SLC9A9: variants seen among roughly 807,000 people sequenced by gnomAD.
The protein encoded by SLC9A9 is sodium/hydrogen exchanger 9.
A neutral mutation model predicts 77.8 loss-of-function variants in SLC9A9; 62 were observed. The ratio of observed to expected loss-of-function variants is 0.80; its 90% CI spans 0.65 to 0.98. SLC9A9 has a LOEUF of 0.98. Among genes scored for constraint, SLC9A9 ranks in the 50% least tolerant of loss-of-function variants. The pLI is 0.00. For synonymous variants in SLC9A9, 320 were observed against 283.5 expected (o/e 1.13, Z -1.29); for missense variants, 775 against 774.9 (o/e 1.00, Z 0.00).
chr3:143,720,119 A>G, intron 4 of SLC9A9, among the ~76,000 whole-genome samples: 1 of 151,442 alleles, frequency 6.6e-6, no homozygotes, highest in South Asian at 2.1e-4. Flanking sequence ...CCACATATAT[A>G]ATATATATTA....
chr3:143,578,540 A>G, intron 7 of SLC9A9, 45 bp downstream of exon 7: 1 of 1,613,284 alleles, frequency 6.2e-7, no homozygotes, highest in Non-Finnish European at 8.5e-7. Context: ...ATGGATACTG[A>G]CTGTTCTTGA....
At chr3:143,336,258 G>A (rs2031919956) in intron 14 of SLC9A9, among the ~76,000 whole-genome samples, 1 of 152,110 alleles carries the variant, frequency 6.6e-6, no homozygotes, top group Admixed American at 6.5e-5. Flanking sequence ...ATGAGGACAT[G>A]GAGAAATTGG....
intron 5 of SLC9A9, among the ~76,000 whole-genome samples, chr3:143,682,591 T>A (rs1050681196): frequency 1.2e-4 from 19 of 152,244 alleles, no homozygotes; most frequent in African/African-American, 4.3e-4. Flanking sequence ...TGGCTTAAAA[T>A]AATGCAAATT....
chr3:143,734,254 G>C (rs957726298), intron 4 of SLC9A9, among the ~76,000 whole-genome samples: 5 of 151,858 alleles, frequency 3.3e-5, no homozygotes, highest in Non-Finnish European at 5.9e-5. Flanking sequence ...AACTAAGAAA[G>C]ATTTTTGGTT....
At chr3:143,366,073 A>G (rs908239337) in intron 13 of SLC9A9, among the ~76,000 whole-genome samples, 5 of 152,150 alleles carry the variant, frequency 3.3e-5, no homozygotes, top group Non-Finnish European at 7.4e-5. Flanking sequence ...GCAAATTCCC[A>G]ATTTTTGTTT....
At chr3:143,594,540 G>A (rs1466243879) in intron 6 of SLC9A9, among the ~76,000 whole-genome samples, 1 of 152,138 alleles carries the variant, frequency 6.6e-6, no homozygotes, top group East Asian at 1.9e-4. Context: ...TAGAATCCTG[G>A]TTGATCTGGT....
At chr3:143,543,603 C>T (rs1014395089) in intron 9 of SLC9A9, among the ~76,000 whole-genome samples, 1 of 152,028 alleles carries the variant, frequency 6.6e-6, no homozygotes, top group Admixed American at 6.5e-5. Context: ...CATGAGTGCC[C>T]AACGTTTATC....
chr3:143,719,938 G>A (rs1172290539), intron 4 of SLC9A9, among the ~76,000 whole-genome samples: 1 of 151,970 alleles, frequency 6.6e-6, no homozygotes, highest in Non-Finnish European at 1.5e-5. Context: ...CTGCTCCCAC[G>A]ATTGCTCCCA....
At chr3:143,413,567 T>C (rs1000474165) in intron 12 of SLC9A9, among the ~76,000 whole-genome samples, 1 of 152,106 alleles carries the variant, frequency 6.6e-6, no homozygotes, top group African/African-American at 2.4e-5. Context: ...ACCACAACTT[T>C]AAATAACTCT....
intron 5 of SLC9A9, among the ~76,000 whole-genome samples, chr3:143,665,797 A>T (rs560667912): frequency 6.6e-6 from 1 of 152,132 alleles, no homozygotes; most frequent in East Asian, 1.9e-4. Flanking sequence ...AGTTGAATCC[A>T]TGAATAGACC....
chr3:143,312,923 AC>A (rs1420980847), intron 14 of SLC9A9: 1 of 152,244 alleles, frequency 6.6e-6, no homozygotes, highest in East Asian at 1.9e-4. Context: ...CTTTAGATAG[AC>A]ACTTTCTCTC....
intron 11 of SLC9A9, among the ~76,000 whole-genome samples, chr3:143,477,342 TTTTTTCC>T (rs2035495242): frequency 7.0e-6 from 1 of 143,608 alleles, no homozygotes; most frequent in African/African-American, 2.7e-5. Context: ...TTTTTTTTTT[TTTTTTCC>T]CCCTCCCCCC....
In SLC9A9 at chr3:143,419,810, T is replaced by C. The variant is rs563984792; in HGVS notation, c.1470-37696A>G. 1.4e-4 allele frequency among the ~76,000 whole-genome samples: 22 copies of C among 152,260 alleles called. No homozygotes were observed. In the South Asian group the frequency reaches 3.5e-3, roughly 24 times the overall value. On this transcript the variant is annotated intron_variant, in intron 12 of 15. Coordinates refer to ENST00000316549, the MANE Select transcript of SLC9A9 (RefSeq NM_173653.4). Reference sequence around the variant, plus strand: ...AGATACAAAAAGGGAAAGAACAGGTTGATGATGCTGAATTTATTTCAGCCT... The same window carrying C: ...AGATACAAAAAGGGAAAGAACAGGTCGATGATGCTGAATTTATTTCAGCCT...
chr3:143,719,375 A>T (rs1412954896), intron 4 of SLC9A9, among the ~76,000 whole-genome samples: 1 of 152,164 alleles, frequency 6.6e-6, no homozygotes, highest in Non-Finnish European at 1.5e-5. Context: ...CCCTGATTTT[A>T]CTTGGGAAAA....
At position 143,740,871 on chromosome 3, in the gene SLC9A9, C is replaced by T. The variant is rs75600638; in HGVS notation, c.534-47564G>A. The stretch of plus-strand genomic sequence containing the variant: ...ATACAGGTTAAAAATTCTGATACTA[C>T]TATTCATGTGTATTGGAGTTAAACA... On this transcript the variant is annotated intron_variant, in intron 4 of 15. Coordinates refer to ENST00000316549, the MANE Select transcript of SLC9A9 (RefSeq NM_173653.4). Among the ~76,000 whole-genome samples the T allele has an allele frequency of 7.2e-3, 1,097 of 152,200 alleles. 8 individuals are homozygous for T. The highest frequency in any genetic ancestry group is 0.025 in the African/African-American group (1,029 of 41,538).
intron 12 of SLC9A9, among the ~76,000 whole-genome samples, chr3:143,412,848 T>G (rs771059244): frequency 2.0e-5 from 3 of 152,204 alleles, no homozygotes; most frequent in Non-Finnish European, 4.4e-5. Flanking sequence ...CCACAGTGTC[T>G]TACATGAAAT....
At chr3:143,367,428 T>C (rs1320800070) in intron 13 of SLC9A9, among the ~76,000 whole-genome samples, 3 of 152,204 alleles carry the variant, frequency 2.0e-5, no homozygotes, top group African/African-American at 7.2e-5. Context: ...TCAGAATATG[T>C]CTTAAATATC....
chr3:143,696,984 T>G (rs1933659409), intron 4 of SLC9A9, among the ~76,000 whole-genome samples: 1 of 151,920 alleles, frequency 6.6e-6, no homozygotes, highest in Non-Finnish European at 1.5e-5. Flanking sequence ...AAGAAATTAA[T>G]AAAATATGTA....
intron 6 of SLC9A9, among the ~76,000 whole-genome samples, chr3:143,635,158 AG>A (rs946695335): frequency 6.6e-6 from 1 of 152,214 alleles, no homozygotes; most frequent in African/African-American, 2.4e-5. Context: ...TCCACTTCAA[AG>A]ATGGATCGCC....
Sources: allele counts gnomAD v4.1 joint callset (sites outside exome capture counted in the v4.1 genomes callset), GRCh38; gene constraint gnomAD v4.1.1; transcripts MANE v1.5; gene names NCBI Gene and HGNC (gene_info 2026-07-23, HGNC 2026-07-21).